Variants in CCDC138 observed in about 807,000 individuals in gnomAD.
CCDC138 encodes coiled-coil domain-containing protein 138.
CCDC138 carries 66 observed loss-of-function variants against 82.3 expected under a neutral mutation model. The observed-to-expected ratio is 0.80, with a 90% CI of 0.66 to 0.98. CCDC138 has a LOEUF of 0.98. Ranked by LOEUF, CCDC138 falls within the 50% of genes least tolerant of loss-of-function variation. The pLI is 0.00. For missense variants in CCDC138, 816 were observed against 758.9 expected (o/e 1.08, Z -0.88); for synonymous variants, 297 against 265.4 (o/e 1.12, Z -1.16).
intron 10 of CCDC138, among the ~76,000 whole-genome samples, chr2:108,825,274 T>TTTTG (rs34218601): frequency 3.0e-4 from 45 of 151,386 alleles, no homozygotes; most frequent in Non-Finnish European, 3.2e-4. Context: ...GTGGTGGGTT[T>TTTTG]TTTGTTTGTT....
intron 13 of CCDC138, among the ~76,000 whole-genome samples, chr2:108,868,455 C>T (rs1442241810): frequency 6.6e-6 from 1 of 152,130 alleles, no homozygotes; most frequent in Non-Finnish European, 1.5e-5. Context: ...CAAGAAATAA[C>T]TTAGACCCTT....
chr2:108,858,007 G>A (rs1003348645), intron 13 of CCDC138, among the ~76,000 whole-genome samples: 1 of 152,150 alleles, frequency 6.6e-6, no homozygotes, highest in African/African-American at 2.4e-5. Context: ...TATTAGAGGA[G>A]ATAGTCAACA....
At chr2:108,826,739 T>C (rs1686674969) in intron 10 of CCDC138, among the ~76,000 whole-genome samples, 1 of 152,180 alleles carries the variant, frequency 6.6e-6, no homozygotes, top group Admixed American at 6.5e-5. Flanking sequence ...AATGGCATTT[T>C]CATATGAATT....
In CCDC138 at chr2:108,788,914, A is replaced by G. The variant is rs1431154421; in HGVS notation, c.214A>G (p.Lys72Glu). Reference protein sequence around the residue: ...GSSLKYSDESKHCRTPLGSLF... With the variant: ...GSSLKYSDESEHCRTPLGSLF... ...ATCGTTAAAATATTCTGATGAAAGC[A>G]AGCATTGTAGAACACCATTGGGCAG... The change falls in exon 3 of 15, where the codon AAG becomes GAG. Residue 72 changes from lysine to glutamate, a missense_variant. By Grantham distance (56) the Lys-to-Glu change is moderately conservative (BLOSUM62 1). Transcript: ENST00000295124. The G allele has an allele frequency of 6.2e-6, 10 of 1,614,060 alleles. No individual in the cohort carries two copies. In the African/African-American group the frequency reaches 1.2e-4, roughly 19 times the overall value.
In CCDC138 at chr2:108,798,026, G is replaced by C. The variant is rs1681193109; in HGVS notation, c.577-402G>C. On this transcript the variant is annotated intron_variant, in intron 5 of 14. Coordinates refer to ENST00000295124, the MANE Select transcript of CCDC138 (RefSeq NM_144978.3). The stretch of plus-strand genomic sequence containing the variant: ...AGCATGGGACCAGGGAAGGTGATCA[G>C]TGTGCTAATCTAGACCTCGTTCTTT... Among the ~76,000 whole-genome samples the C allele has an allele frequency of 2.0e-5, 3 of 150,780 alleles. 1 individual carries two copies. The highest frequency in any genetic ancestry group is 1.5e-5 in the Non-Finnish European group (1 of 67,900).
chr2:108,851,269 A>G lies in CCDC138; in HGVS notation c.1516+4339A>G, dbSNP rs184567179. ...GTCCAGCCGTCTGGAAGCTCTCTGA[A>G]CCCATTTCTCTGGGGTGTTTTGTTT... is the stretch of plus-strand genomic sequence containing the variant. On this transcript the variant is annotated intron_variant, in intron 12 of 14. Transcript: ENST00000295124. Among the ~76,000 whole-genome samples, 16 of 151,226 alleles carry G rather than the reference A, an allele frequency of 1.1e-4. No homozygotes were observed. The East Asian group carries it at 2.9e-3, about 28-fold the overall frequency.
chr2:108,797,743 T>C (rs1478724396), intron 5 of CCDC138, among the ~76,000 whole-genome samples: 1 of 152,228 alleles, frequency 6.6e-6, no homozygotes, highest in Non-Finnish European at 1.5e-5. Flanking sequence ...TTCTGTTTTT[T>C]CCCTGTGAAG....
intron 10 of CCDC138, among the ~76,000 whole-genome samples, chr2:108,833,871 G>T (rs904269458): frequency 6.0e-5 from 9 of 148,794 alleles, no homozygotes; most frequent in Admixed American, 2.0e-4. Flanking sequence ...GGGACTACAG[G>T]CGCCCGCTAC....
At chr2:108,836,247 A>G (rs2150366796) in intron 10 of CCDC138, among the ~76,000 whole-genome samples, 1 of 152,330 alleles carries the variant, frequency 6.6e-6, no homozygotes, top group African/African-American at 2.4e-5. Context: ...TATGGATGGA[A>G]TCATAATAGT....
At chr2:108,812,193 A>G (rs1218591672) in intron 7 of CCDC138, among the ~76,000 whole-genome samples, 1 of 152,144 alleles carries the variant, frequency 6.6e-6, no homozygotes, top group East Asian at 1.9e-4. Context: ...TTCCATATAT[A>G]GGAAGTCAGT....
chr2:108,809,428 C>T (rs1444492943), intron 7 of CCDC138, among the ~76,000 whole-genome samples: 2 of 148,624 alleles, frequency 1.3e-5, no homozygotes, highest in Non-Finnish European at 3.0e-5. Context: ...TTAATTGTTC[C>T]AGTCCATGAA....
chr2:108,844,596 T>C (rs1315732197), intron 11 of CCDC138, among the ~76,000 whole-genome samples: 1 of 152,130 alleles, frequency 6.6e-6, no homozygotes, highest in African/African-American at 2.4e-5. Context: ...CTTGGAATGG[T>C]GGGTGATTTT....
At chr2:108,812,766 G>GT (rs1368459893) in intron 8 of CCDC138, 54 bp from the exon 9 acceptor site, 2 of 1,611,166 alleles carry the variant, frequency 1.2e-6, no homozygotes, top group East Asian at 4.5e-5. Context: ...TTACCTTTGA[G>GT]TTTACTCATT....
intron 10 of CCDC138, among the ~76,000 whole-genome samples, chr2:108,824,693 C>A (rs1005439300): frequency 1.3e-5 from 2 of 151,968 alleles, no homozygotes; most frequent in African/African-American, 4.8e-5. Flanking sequence ...CATTTATTAT[C>A]TTTATCAAGT....
chr2:108,876,272 A>G lies in CCDC138; in HGVS notation c.*19A>G, dbSNP rs375269380. ...CCCTTAGACTGGCTAATTTTTTAAT[A>G]TAGTATATGTGGTGCTTATTTATAA... On this transcript the variant is annotated 3_prime_UTR_variant, in exon 15 of 15. Coordinates refer to ENST00000295124, the MANE Select transcript of CCDC138 (RefSeq NM_144978.3). 1.9e-5 allele frequency: 28 copies of G among 1,470,744 alleles called. No individual in the cohort carries two copies. The highest frequency in any genetic ancestry group is 2.5e-5 in the South Asian group (2 of 79,848). 91.1% of individuals were successfully genotyped at this position (1,470,744 alleles called of 1,614,324 possible).
chr2:108,822,382 CAGATAGAATAACT>C (rs1316735274), intron 10 of CCDC138, among the ~76,000 whole-genome samples: 5 of 152,150 alleles, frequency 3.3e-5, no homozygotes, highest in Middle Eastern at 6.8e-3. Flanking sequence ...CTTTCAGAAA[CAGATAGAATAACT>C]AGACAGAATA....
rs1689090640 is a variant in CCDC138, at chr2:108,839,385, A to G, written c.1323+84A>G. ...TCTTGTTTCACAATATCTGTTTTGA[A>G]TATATTCTCTGTATTTCAGAATAAT... is the stretch of plus-strand genomic sequence containing the variant. On this transcript the variant is annotated intron_variant, in intron 11 of 14. Transcript: ENST00000295124. 4 of 1,166,128 alleles carry G rather than the reference A, an allele frequency of 3.4e-6. No homozygotes were observed. The East Asian group carries it at 9.8e-5, about 29-fold the overall frequency. The allele number at this position is 1,166,128 out of a possible 1,614,324, so 72.2% of individuals were successfully genotyped here.
chr2:108,808,331 A>C (rs1024105360), intron 7 of CCDC138, among the ~76,000 whole-genome samples: 1 of 152,196 alleles, frequency 6.6e-6, no homozygotes, highest in African/African-American at 2.4e-5. Context: ...GGGAGTGCAG[A>C]TATCTCTTCA....
rs35206784 is a variant in CCDC138 at position 108,815,461 on chromosome 2, G to GTTTTTT, written c.1042-462_1042-457dup. ...AATATTAGTTGGGGAGGTTTTTGGT[G>GTTTTTT]TTTTTTTTTTTTTTTTTTTTTTTGA... On this transcript the variant is annotated intron_variant, in intron 9 of 14. Coordinates refer to ENST00000295124, the MANE Select transcript of CCDC138 (RefSeq NM_144978.3). Among the ~76,000 whole-genome samples, 141 of 70,694 alleles carry GTTTTTT rather than the reference G, an allele frequency of 2.0e-3. 2 individuals are homozygous for GTTTTTT. Among genetic ancestry groups the GTTTTTT allele is most frequent in the Middle Eastern group, 0.021 (1 of 48 alleles). 46.4% of individuals were successfully genotyped at this position (70,694 alleles called of 152,430 possible). A position where few individuals can be genotyped will look rare whatever the true frequency, so the allele number is the denominator to read the frequency against.
Sources: gnomAD v4.1 joint callset for allele counts (sites outside exome capture counted in the v4.1 genomes callset) on GRCh38, gnomAD v4.1.1 for gene constraint, MANE v1.5 for transcripts, NCBI Gene and HGNC (gene_info 2026-07-23, HGNC 2026-07-21) for gene names.